Variants in OLA1 observed in about 807,000 individuals in gnomAD.
OLA1 encodes the protein obg-like ATPase 1.
Under a neutral mutation model 48.4 loss-of-function variants are expected in OLA1, and 14 were observed. That is an observed-to-expected ratio of 0.29 (90% CI 0.19 to 0.45). The LOEUF is 0.45. Among genes scored for constraint, OLA1 ranks in the 20% least tolerant of loss-of-function variants. The pLI is 1.00. For synonymous variants in OLA1, 127 were observed against 150.4 expected, an observed-to-expected ratio of 0.84 and a Z score of 1.14; for missense variants, 325 against 467.1, an observed-to-expected ratio of 0.70 and a Z score of 2.80.
chr2:174,185,447 T>G (rs1285745733), intron 4 of OLA1, among the ~76,000 whole-genome samples: 1 of 152,206 alleles, frequency 6.6e-6, no homozygotes, highest in Admixed American at 6.5e-5. Flanking sequence ...AGAAATCATC[T>G]AGAAATCTAT....
intron 4 of OLA1, among the ~76,000 whole-genome samples, chr2:174,207,317 T>C (rs2105437709): frequency 6.6e-6 from 1 of 152,344 alleles, no homozygotes; most frequent in South Asian, 2.1e-4. Context: ...CTCTCTGGAA[T>C]CTTATTTTTA....
intron 4 of OLA1, among the ~76,000 whole-genome samples, chr2:174,155,759 C>T (rs1686862225): frequency 6.6e-6 from 1 of 151,890 alleles, no homozygotes; most frequent in Admixed American, 6.6e-5. Context: ...AAAAGACAGA[C>T]CGAGAGAGCA....
chr2:174,159,138 A>G (rs1686954323), intron 4 of OLA1, among the ~76,000 whole-genome samples: 1 of 152,188 alleles, frequency 6.6e-6, no homozygotes, highest in Non-Finnish European at 1.5e-5. Context: ...AACAGCATAA[A>G]CAGTTCACTT....
At chr2:174,148,009 G>A (rs1261577240) in intron 4 of OLA1, among the ~76,000 whole-genome samples, 6 of 152,110 alleles carry the variant, frequency 3.9e-5, no homozygotes, top group Non-Finnish European at 5.9e-5. Context: ...TTCAGTAGAC[G>A]GGGTTTTGCC....
At chr2:174,247,803 T>G (rs757290230) in intron 1 of OLA1, 318 of 1,549,216 alleles carry the variant, frequency 2.1e-4, no homozygotes, top group Non-Finnish European at 2.6e-4. Context: ...GACGGAACCT[T>G]TTTATTTACA....
chr2:174,205,680 A>G (rs1574550199), intron 4 of OLA1, among the ~76,000 whole-genome samples: 1 of 152,340 alleles, frequency 6.6e-6, no homozygotes, highest in Non-Finnish European at 1.5e-5. Context: ...AATCCAGGAC[A>G]GTCAGGTAAT....
intron 2 of OLA1, chr2:174,240,567 A>C (rs192829270): frequency 8.6e-4 from 131 of 152,328 alleles, no homozygotes; most frequent in African/African-American, 3.0e-3. Context: ...ATAAAAAACT[A>C]ATCATTAAGA....
chr2:174,123,429 T>C, intron 6 of OLA1, 152 bp from the exon 7 acceptor site: 1 of 606,132 alleles, frequency 1.6e-6, no homozygotes, highest in Non-Finnish European at 2.8e-6. Flanking sequence ...TTATGAAATA[T>C]CATGAGTGGG....
chr2:174,218,620 C>A (rs1688418616), intron 4 of OLA1, among the ~76,000 whole-genome samples: 1 of 152,178 alleles, frequency 6.6e-6, no homozygotes, highest in South Asian at 2.1e-4. Flanking sequence ...AGAAAATAAT[C>A]TTTCATTATT....
At chr2:174,214,254 A>G (rs1688311595) in intron 4 of OLA1, among the ~76,000 whole-genome samples, 1 of 152,076 alleles carries the variant, frequency 6.6e-6, no homozygotes, top group South Asian at 2.1e-4. Flanking sequence ...AATAGCTTGA[A>G]CCCAGGAGGC....
At chr2:174,163,410 G>A (rs924376399) in intron 4 of OLA1, among the ~76,000 whole-genome samples, 9 of 151,992 alleles carry the variant, frequency 5.9e-5, no homozygotes, top group African/African-American at 1.2e-4. Flanking sequence ...TAAATATGCC[G>A]GGTGTGGTGG....
intron 2 of OLA1, among the ~76,000 whole-genome samples, chr2:174,244,857 C>T (rs910265241): frequency 3.9e-5 from 6 of 152,098 alleles, no homozygotes; most frequent in Admixed American, 3.9e-4. Flanking sequence ...GTTTCAAGCT[C>T]CTGACCTCAA....
Position 174,201,539 on chromosome 2 carries a change from A to AG in OLA1, c.373+21493dup, listed in dbSNP as rs143421415. On this transcript the variant is annotated intron_variant, in intron 4 of 10. Coordinates refer to ENST00000284719, the MANE Select transcript of OLA1 (RefSeq NM_013341.5). ...GATTTTTTTTATTGTTTAGTAGAGA[A>AG]GGGGGGTCTCACTATGTTGTCCTGG... is the stretch of plus-strand genomic sequence containing the variant. 4.6e-3 allele frequency among the ~76,000 whole-genome samples: 694 copies of AG among 152,140 alleles called. 5 individuals are homozygous for AG. Among genetic ancestry groups the AG allele is most frequent in the African/African-American group, 0.015 (642 of 41,522 alleles).
At chr2:174,243,729 G>A (rs751113856) in intron 2 of OLA1, among the ~76,000 whole-genome samples, 3 of 152,072 alleles carry the variant, frequency 2.0e-5, no homozygotes, top group Non-Finnish European at 2.9e-5. Context: ...ACTCAAAATA[G>A]CGATTGGCAT....
chr2:174,145,873 G>A (rs570127505), intron 4 of OLA1, among the ~76,000 whole-genome samples: 1 of 152,264 alleles, frequency 6.6e-6, no homozygotes, highest in African/African-American at 2.4e-5. Flanking sequence ...TACAGTTTTT[G>A]TGAAATTTAT....
chr2:174,236,273 CT>C (rs1688846975), intron 2 of OLA1, among the ~76,000 whole-genome samples: 1 of 151,802 alleles, frequency 6.6e-6, no homozygotes. Context: ...TGTTACAAAT[CT>C]TTTAAAATTT....
intron 7 of OLA1, among the ~76,000 whole-genome samples, chr2:174,095,782 A>T (rs1209004697): frequency 6.6e-6 from 1 of 152,220 alleles, no homozygotes; most frequent in East Asian, 1.9e-4. Context: ...CATACATATG[A>T]CAGAGGTCCA....
chr2:174,105,568 A>G (rs1685495898), intron 7 of OLA1, among the ~76,000 whole-genome samples: 1 of 152,038 alleles, frequency 6.6e-6, no homozygotes, highest in Non-Finnish European at 1.5e-5. Flanking sequence ...TATTTCAAAT[A>G]TGTCAGGGTA....
At chr2:174,184,126 A>C (rs991911750) in intron 4 of OLA1, among the ~76,000 whole-genome samples, 1 of 152,206 alleles carries the variant, frequency 6.6e-6, no homozygotes, top group Non-Finnish European at 1.5e-5. Context: ...CATGAAAACT[A>C]ACATCTATCA....
Sources: gnomAD v4.1 joint callset for allele counts (sites outside exome capture counted in the v4.1 genomes callset) on GRCh38, gnomAD v4.1.1 for gene constraint, MANE v1.5 for transcripts, NCBI Gene and HGNC (gene_info 2026-07-23, HGNC 2026-07-21) for gene names.